Variants in OXA1L observed in about 807,000 individuals in gnomAD.
The protein encoded by OXA1L is mitochondrial inner membrane protein OXA1L.
OXA1L carries 42 observed loss-of-function variants against 52.2 expected under a neutral mutation model. The ratio of observed to expected loss-of-function variants is 0.80; its 90% CI spans 0.63 to 1.04. The LOEUF is 1.04. Among genes scored for constraint, OXA1L ranks in the 50% least tolerant of loss-of-function variants. The pLI is 0.00. For synonymous variants in OXA1L, 239 were observed against 201.9 expected (o/e 1.18, Z -1.56); for missense variants, 572 against 555.0 (o/e 1.03, Z -0.31).
chr14:22,766,921 C>A (rs777451502), intron 1 of OXA1L, 157 bp downstream of exon 1: 2 of 1,515,062 alleles, frequency 1.3e-6, no homozygotes, highest in Non-Finnish European at 1.8e-6. Context: ...TAGGGTTAGT[C>A]CCCGACACTA....
At position 22,767,418 on chromosome 14, in the gene OXA1L, C is replaced by A. The variant is rs373094747; in HGVS notation, c.225+9C>A. The A allele has an allele frequency of 1.3e-6, 2 of 1,585,780 alleles. No homozygotes were observed. The highest frequency in any genetic ancestry group is 4.5e-5 in the East Asian group (2 of 44,544). The stretch of plus-strand genomic sequence containing the variant: ...CTTTTGCAGAAGTCCAGGTAAGAGG[C>A]CTTTCGTTCCTGCAATATTAGGAGT... On this transcript the variant is annotated intron_variant, in intron 2 of 9. Transcript: ENST00000612549.
In OXA1L at chr14:22,771,431, C is replaced by G. The variant is rs111327356; in HGVS notation, c.1184-3C>G. 1 of 1,614,220 alleles carries G rather than the reference C, an allele frequency of 6.2e-7. No homozygotes were observed. Among genetic ancestry groups the G allele is most frequent in the South Asian group, 1.1e-5 (1 of 91,080 alleles). ...TGAAATTTGTTTTCTCTTCTCCCCTCAGGTCCTTTACGACAGACCTTTACC... is the reference window on the plus strand; with the variant it reads ...TGAAATTTGTTTTCTCTTCTCCCCTGAGGTCCTTTACGACAGACCTTTACC... On this transcript the variant is annotated splice_polypyrimidine_tract_variant and splice_region_variant and intron_variant, in intron 9 of 9. Coordinates refer to ENST00000612549, the MANE Select transcript of OXA1L (RefSeq NM_005015.5).
intron 4 of OXA1L, 23 bp from the exon 5 acceptor site, chr14:22,770,170 A>G (rs764510767): frequency 9.7e-6 from 15 of 1,549,148 alleles, no homozygotes; most frequent in Non-Finnish European, 1.2e-5. Context: ...TACCCCAACC[A>G]TTAATTTCCC....
rs2038413674 is a variant in OXA1L, at chr14:22,767,140, G to A, written c.64-108G>A. The stretch of plus-strand genomic sequence containing the variant: ...TGATAGCAATGTCCTCCCCTGTAGT[G>A]GCCGAGCTGCCTGCTTCTTGGGGAG... On this transcript the variant is annotated intron_variant, in intron 1 of 9. Transcript: ENST00000612549. 15 of 1,530,000 alleles carry A rather than the reference G, an allele frequency of 9.8e-6. No homozygotes were observed. In the South Asian group the frequency reaches 1.7e-4, roughly 17 times the overall value. The allele number at this position is 1,530,000 out of a possible 1,614,324, so 94.8% of individuals were successfully genotyped here.
In OXA1L at chr14:22,767,304, C is replaced by T. The variant is rs1338527097; in HGVS notation, c.120C>T (p.Leu40=). Residue 40 remains leucine (L), a synonymous_variant, in exon 2 of 10, where the codon CTC becomes CTT. Transcript: ENST00000612549. ...TTGGGAAACCGCTGACCACACGGCT[C>T]CTATTCCCAGCAGCCCCGTGCTGCT... is the stretch of plus-strand genomic sequence containing the variant. The part of the protein sequence containing the change: ...QWLGKPLTTR[L]LFPAAPCCCR... The T allele has an allele frequency of 4.3e-6, 7 of 1,613,360 alleles. No homozygotes were observed. The highest frequency in any genetic ancestry group is 2.2e-5 in the South Asian group (2 of 91,058).
Position 22,771,095 on chromosome 14 carries a change from C to T in OXA1L, c.1017C>T (p.Arg339=). Residue 339 remains arginine (R), a synonymous_variant, in exon 8 of 10, where the codon CGC becomes CGT. Coordinates refer to ENST00000612549, the MANE Select transcript of OXA1L (RefSeq NM_005015.5). ...QVSCLRIPAV[R]TVLKIPQRVV... is the part of the protein sequence containing the mutation. ...CCTGTCTCCGGATTCCAGCAGTACG[C>T]ACTGTACTTAAAATCCCCCAGCGTG... The T allele has an allele frequency of 1.2e-6, 2 of 1,614,102 alleles. No individual in the cohort carries two copies. The highest frequency in any genetic ancestry group is 1.7e-6 in the Non-Finnish European group (2 of 1,179,956).
In OXA1L at chr14:22,771,002, C is replaced by CG; in HGVS notation, c.940-16_940-15insG. 1 of 1,614,170 alleles carries CG rather than the reference C, an allele frequency of 6.2e-7. No individual in the cohort carries two copies. Among genetic ancestry groups the CG allele is most frequent in the Non-Finnish European group, 8.5e-7 (1 of 1,179,998 alleles). ...GGGATACAGCTTCTGAGTCCCTTCTCTGTGTTCTCACCCAGGCAGTGTTTA... is the reference window on the plus strand; with the variant it reads ...GGGATACAGCTTCTGAGTCCCTTCTCGTGTGTTCTCACCCAGGCAGTGTTTA... On this transcript the variant is annotated splice_polypyrimidine_tract_variant and intron_variant, in intron 7 of 9. Coordinates refer to ENST00000612549, the MANE Select transcript of OXA1L (RefSeq NM_005015.5).
rs2139376197 is a variant in OXA1L at position 22,771,129 on chromosome 14, G to A, written c.1051G>A (p.Asp351Asn). The A allele has an allele frequency of 6.2e-7, 1 of 1,614,152 alleles. No homozygotes were observed. Among genetic ancestry groups the A allele is most frequent in the East Asian group, 2.2e-5 (1 of 44,890 alleles). Residue 351 changes from aspartate to asparagine, a missense_variant, in exon 8 of 10, where the codon GAC becomes AAC. Physicochemically the swap from Asp to Asn is conservative, Grantham distance 23. Coordinates refer to ENST00000612549, the MANE Select transcript of OXA1L (RefSeq NM_005015.5). ...TAAAATCCCCCAGCGTGTTGTACAT[G>A]ACCTGGACAAATTACCTCCACGGGA... ...VLKIPQRVVH[D>N]LDKLPPREGF...
chr14:22,767,697 C>T (rs2038421334), intron 2 of OXA1L: 1 of 492,690 alleles, frequency 2.0e-6, no homozygotes, highest in East Asian at 3.1e-5. Flanking sequence ...ATTCAAATGG[C>T]TGAAGTTTGG....
rs777948310 is a variant in OXA1L, at chr14:22,766,722, C to A, written c.21C>A (p.Cys7Ter). The change falls in exon 1 of 10, where the codon TGC becomes TGA. Residue 7 changes from cysteine to a stop codon, truncating the protein, a stop_gained. Coordinates refer to ENST00000612549, the MANE Select transcript of OXA1L (RefSeq NM_005015.5). LOFTEE classifies it high-confidence loss of function. Reference protein sequence around the residue: MAMGLMCGRRELLRLLQ... With the variant: MAMGLM ...GCAAAATGGCGATGGGACTAATGTG[C>A]GGACGCCGGGAGCTTCTGCGCTTGC... 2 of 1,614,262 alleles carry A rather than the reference C, an allele frequency of 1.2e-6. No individual in the cohort carries two copies. Among genetic ancestry groups the A allele is most frequent in the Non-Finnish European group, 8.5e-7 (1 of 1,180,038 alleles).
chr14:22,770,865 A>G lies in OXA1L; in HGVS notation c.895A>G (p.Met299Val), dbSNP rs2139375808. 1.2e-6 allele frequency: 2 copies of G among 1,614,204 alleles called. No homozygotes were observed. The highest frequency in any genetic ancestry group is 4.5e-5 in the East Asian group (2 of 44,892). Reference sequence around the variant, plus strand: ...TCAGTGGATGAGAAATGTCATCAGAATGATGCCCCTGATAACCTTGCCCAT... The same window carrying G: ...TCAGTGGATGAGAAATGTCATCAGAGTGATGCCCCTGATAACCTTGCCCAT... ...DLQWMRNVIR[M>V]MPLITLPITM... is the part of the protein sequence containing the mutation. The change falls in exon 7 of 10, where the codon ATG becomes GTG. Residue 299 changes from methionine (M) to valine (V), a missense_variant. Physicochemically the swap from Met to Val is conservative, Grantham distance 21. Transcript: ENST00000612549.
chr14:22,767,051 G>C (rs1403527573), intron 1 of OXA1L, 197 bp from the exon 2 acceptor site: 2 of 1,536,204 alleles, frequency 1.3e-6, no homozygotes, highest in South Asian at 2.4e-5. Flanking sequence ...GGGGAACCCA[G>C]GTTCGAGCTT....
chr14:22,766,819 G>T, intron 1 of OXA1L, 55 bp downstream of exon 1: 1 of 1,605,496 alleles, frequency 6.2e-7, no homozygotes. Context: ...AGTGAACCAG[G>T]CCCCAGGACA....
chr14:22,766,781 G>A lies in OXA1L; in HGVS notation c.63+17G>A. ...GGGCGTCGGGTAAGGATGCCCCGGGGCAGAGCACCGGGATGCTGCCCTGAC... is the reference window on the plus strand; with the variant it reads ...GGGCGTCGGGTAAGGATGCCCCGGGACAGAGCACCGGGATGCTGCCCTGAC... On this transcript the variant is annotated intron_variant, in intron 1 of 9. Transcript: ENST00000612549. 1 of 1,613,774 alleles carries A rather than the reference G, an allele frequency of 6.2e-7. No individual in the cohort carries two copies. The highest frequency in any genetic ancestry group is 8.5e-7 in the Non-Finnish European group (1 of 1,179,954).
chr14:22,767,517 G>A, intron 2 of OXA1L, 108 bp downstream of exon 2: 1 of 860,102 alleles, frequency 1.2e-6, no homozygotes. Flanking sequence ...TCTTGTCCAC[G>A]CTCCACACAG....
In OXA1L at chr14:22,770,843, G is replaced by A; in HGVS notation, c.873G>A (p.Gln291=). 1 of 1,614,204 alleles carries A rather than the reference G, an allele frequency of 6.2e-7. No individual in the cohort carries two copies. Among genetic ancestry groups the A allele is most frequent in the South Asian group, 1.1e-5 (1 of 91,076 alleles). ...AETGVQSSDL[Q]WMRNVIRMMP... ...CAGGTGTGCAAAGTTCTGACCTTCA[G>A]TGGATGAGAAATGTCATCAGAATGA... The change falls in exon 7 of 10, where the codon CAG becomes CAA. Residue 291 remains glutamine, a synonymous_variant. Coordinates refer to ENST00000612549, the MANE Select transcript of OXA1L (RefSeq NM_005015.5).
rs2038485876 is a variant in OXA1L, at chr14:22,772,488, C to CAATAAAAAA, written c.*932_*933insTAAAAAAAA. ...TGGGCAAGAGAGTGAGACTCCTTCT[C>CAATAAAAAA]AAAAAAAAAAAAAAAAAAAAAAAAA... On this transcript the variant is annotated 3_prime_UTR_variant, in exon 10 of 10. Transcript: ENST00000612549. 1.3e-5 allele frequency: 1 copy of CAATAAAAAA among 76,010 alleles called. No individual in the cohort carries two copies. Among genetic ancestry groups the CAATAAAAAA allele is most frequent in the African/African-American group, 6.3e-5 (1 of 15,966 alleles). The allele number at this position is 76,010 out of a possible 1,614,324, so 4.7% of individuals were successfully genotyped here.
chr14:22,767,293 A>G lies in OXA1L; in HGVS notation c.109A>G (p.Thr37Ala). 1.2e-6 allele frequency: 2 copies of G among 1,613,208 alleles called. No homozygotes were observed. Among genetic ancestry groups the G allele is most frequent in the Non-Finnish European group, 1.7e-6 (2 of 1,179,798 alleles). Residue 37 changes from threonine (T) to alanine (A), a missense_variant, in exon 2 of 10, where the codon ACC becomes GCC. Physicochemically the swap from Thr to Ala is moderately conservative, Grantham distance 58. Transcript: ENST00000612549. The stretch of plus-strand genomic sequence containing the variant: ...CTCGCAATGGCTTGGGAAACCGCTG[A>G]CCACACGGCTCCTATTCCCAGCAGC... The part of the protein sequence containing the change: ...GPSQWLGKPL[T>A]TRLLFPAAPC...
Position 22,770,732 on chromosome 14 carries a change from G to A in OXA1L, c.835-73G>A, listed in dbSNP as rs2038451247. On this transcript the variant is annotated intron_variant, in intron 6 of 9. Transcript: ENST00000612549. Reference sequence around the variant, plus strand: ...TTCACTTGCTGGAGAAAGAGTTGATGGGTAAGAGATTAGAGACAGATTCAC... The same window carrying A: ...TTCACTTGCTGGAGAAAGAGTTGATAGGTAAGAGATTAGAGACAGATTCAC... The A allele has an allele frequency of 3.9e-6, 6 of 1,541,274 alleles. No homozygotes were observed. The East Asian group carries it at 1.4e-4, about 35-fold the overall frequency.
Sources: gnomAD v4.1 joint callset for allele counts on GRCh38, gnomAD v4.1.1 for gene constraint, MANE v1.5 for transcripts, NCBI Gene and HGNC (gene_info 2026-07-23, HGNC 2026-07-21) for gene names.